PLD3: variants seen among roughly 807,000 people sequenced by gnomAD.
PLD3 encodes the protein phospholipase D family member 3, also known as 5'-3' exonuclease PLD3.
Under a neutral mutation model 58.4 loss-of-function variants are expected in PLD3, and 31 were observed. That is an observed-to-expected ratio of 0.53 (90% CI 0.40 to 0.72). PLD3 has a LOEUF of 0.72. Among genes scored for constraint, PLD3 ranks in the 30% least tolerant of loss-of-function variants. PLD3 has a pLI of 0.00. For synonymous variants in PLD3, 264 were observed against 273.4 expected, an observed-to-expected ratio of 0.97 and a Z score of 0.34; for missense variants, 595 against 659.8, an observed-to-expected ratio of 0.90 and a Z score of 1.08.
At chr19:40,354,235 G>T (rs1049256176) in intron 1 of PLD3, among the ~76,000 whole-genome samples, 1 of 151,828 alleles carries the variant, frequency 6.6e-6, no homozygotes, top group East Asian at 1.9e-4. Context: ...CACCAGGCCC[G>T]GCTAATTTTT....
intron 1 of PLD3, among the ~76,000 whole-genome samples, chr19:40,352,975 C>T (rs1187949025): frequency 6.6e-6 from 1 of 152,076 alleles, no homozygotes; most frequent in South Asian, 2.1e-4. Context: ...CAAAAAAAAT[C>T]AAAAATGAAT....
At position 40,376,373 on chromosome 19, in the gene PLD3, A is replaced by AAGAG; in HGVS notation, c.1020-236_1020-235insAGAG. The AAGAG allele has an allele frequency of 4.1e-6, 2 of 488,430 alleles. 1 individual carries two copies. The highest frequency in any genetic ancestry group is 7.0e-5 in the South Asian group (2 of 28,374). The allele number at this position is 488,430 out of a possible 1,614,324, so 30.3% of individuals were successfully genotyped here. A position where few individuals can be genotyped will look rare whatever the true frequency, so the allele number is the denominator to read the frequency against. ...TCCACCTCAAAAAAAAAAAGAAAGA[A>AAGAG]TAAAAGAGGATGACAACACTGGGTT... On this transcript the variant is annotated intron_variant, in intron 10 of 12. Coordinates refer to ENST00000409735, the MANE Select transcript of PLD3 (RefSeq NM_012268.4).
chr19:40,368,756 C>T (rs71358904), intron 6 of PLD3, among the ~76,000 whole-genome samples: 3 of 151,770 alleles, frequency 2.0e-5, no homozygotes, highest in African/African-American at 7.3e-5. Flanking sequence ...TCAACCATCT[C>T]TACTAAAAAT....
intron 5 of PLD3, chr19:40,367,167 C>G (rs2078946597): frequency 4.0e-6 from 2 of 497,592 alleles, no homozygotes; most frequent in Non-Finnish European, 7.1e-6. Flanking sequence ...CCCACACACA[C>G]ATCTCAATAC....
chr19:40,372,070 T>G (rs2079080364), intron 9 of PLD3, among the ~76,000 whole-genome samples, 197 bp downstream of exon 9: 1 of 152,192 alleles, frequency 6.6e-6, no homozygotes, highest in Non-Finnish European at 1.5e-5. Context: ...AAATGGGTAT[T>G]GTTTCCAACC....
Position 40,365,759 on chromosome 19 carries a change from C to A in PLD3, c.-237C>A, listed in dbSNP as rs2078902796. 1 of 152,684 alleles carries A rather than the reference C, an allele frequency of 6.5e-6. No individual in the cohort carries two copies. Among genetic ancestry groups the A allele is most frequent in the African/African-American group, 2.4e-5 (1 of 41,476 alleles). The allele number at this position is 152,684 out of a possible 1,614,324, so 9.5% of individuals were successfully genotyped here. A position where few individuals can be genotyped will look rare whatever the true frequency, so the allele number is the denominator to read the frequency against. The stretch of plus-strand genomic sequence containing the variant: ...CTGGGGAGCCGAGCCCCGCTTCTCG[C>A]TGCGGTGAGCCCGGACTGGGGCACG... On this transcript the variant is annotated 5_prime_UTR_variant, in exon 2 of 13. The change creates a new upstream start codon in the 5' untranslated region. Transcript: ENST00000409735.
rs994297264 is a variant in PLD3 at position 40,350,175 on chromosome 19, G to C, written c.-279+1407G>C. ...CTCGGGAGGCTGAGACAGGAGAATC[G>C]TTCGAATCTGAGAGGCGGAGGTTGC... On this transcript the variant is annotated intron_variant, in intron 1 of 12. Coordinates refer to ENST00000409735, the MANE Select transcript of PLD3 (RefSeq NM_012268.4). 4.9e-5 allele frequency among the ~76,000 whole-genome samples: 7 copies of C among 144,172 alleles called. 1 individual carries two copies. The South Asian group carries it at 1.6e-3, about 33-fold the overall frequency. 94.6% of individuals were successfully genotyped at this position (144,172 alleles called of 152,430 possible).
chr19:40,366,686 T>C lies in PLD3; in HGVS notation c.102+2T>C. The C allele has an allele frequency of 3.1e-6, 5 of 1,609,756 alleles. No individual in the cohort carries two copies. Among genetic ancestry groups the C allele is most frequent in the Non-Finnish European group, 4.2e-6 (5 of 1,177,324 alleles). On this transcript the variant is annotated splice_donor_variant, in intron 4 of 12. Transcript: ENST00000409735. LOFTEE classifies it high-confidence loss of function. ...GAGGCGTGGAAGGCTGCGGAAAAGG[T>C]AGGAGCCCTCCGCCACCCTCGCTCT...
intron 1 of PLD3, among the ~76,000 whole-genome samples, chr19:40,351,241 AAC>A (rs1491489124): frequency 6.2e-5 from 8 of 128,968 alleles, no homozygotes; most frequent in East Asian, 4.9e-4. Flanking sequence ...AAAACAAAAA[AAC>A]AAAACAAAAC....
At chr19:40,350,215 G>A (rs1023514310) in intron 1 of PLD3, among the ~76,000 whole-genome samples, 1 of 143,954 alleles carries the variant, frequency 6.9e-6, no homozygotes, top group African/African-American at 2.6e-5. Context: ...AGCCTAGATC[G>A]TGCCATTGCA....
At position 40,378,271 on chromosome 19, in the gene PLD3, C is replaced by G. The variant is rs775083306; in HGVS notation, c.*98C>G. On this transcript the variant is annotated 3_prime_UTR_variant, in exon 13 of 13. Transcript: ENST00000409735. Reference sequence around the variant, plus strand: ...TCCCCGCGCCCCCGCTTCTGTCTGCCCCATTGTGGCTCCTCAGGCTCTCTC... The same window carrying G: ...TCCCCGCGCCCCCGCTTCTGTCTGCGCCATTGTGGCTCCTCAGGCTCTCTC... 8.9e-6 allele frequency: 10 copies of G among 1,127,982 alleles called. No individual in the cohort carries two copies. The highest frequency in any genetic ancestry group is 1.3e-5 in the Non-Finnish European group (10 of 751,238). 69.9% of individuals were successfully genotyped at this position (1,127,982 alleles called of 1,614,324 possible).
intron 1 of PLD3, among the ~76,000 whole-genome samples, chr19:40,355,355 C>T (rs1195587574): frequency 1.3e-5 from 2 of 151,400 alleles, no homozygotes; most frequent in Non-Finnish European, 2.9e-5. Context: ...TCTTGTTGCC[C>T]AGGCTGAAGT....
intron 1 of PLD3, among the ~76,000 whole-genome samples, chr19:40,351,020 T>C (rs1371139369): frequency 6.6e-6 from 1 of 151,128 alleles, no homozygotes; most frequent in East Asian, 2.0e-4. Context: ...GGTGGATCGC[T>C]GGAGCTCAGG....
intron 10 of PLD3, among the ~76,000 whole-genome samples, chr19:40,376,098 G>A (rs553754974): frequency 6.5e-4 from 99 of 152,312 alleles, no homozygotes; most frequent in African/African-American, 2.3e-3. Flanking sequence ...GCTCACGCCT[G>A]TAATCCCAGC....
At chr19:40,357,283 G>A (rs991910942) in intron 1 of PLD3, 5 of 152,286 alleles carry the variant, frequency 3.3e-5, no homozygotes, top group South Asian at 4.1e-4. Context: ...AGAGACAGGG[G>A]TCTCGCTCTG....
intron 1 of PLD3, among the ~76,000 whole-genome samples, chr19:40,360,763 TC>T (rs1431984251): frequency 6.6e-6 from 1 of 152,044 alleles, no homozygotes; most frequent in Non-Finnish European, 1.5e-5. Context: ...CACCCTAATG[TC>T]AGCCTCCCTG....
intron 8 of PLD3, chr19:40,371,402 A>G (rs770252067): frequency 9.7e-6 from 4 of 412,496 alleles, no homozygotes; most frequent in South Asian, 4.1e-5. Flanking sequence ...AGGAGGCAAC[A>G]TGTCAGCCTA....
intron 6 of PLD3, among the ~76,000 whole-genome samples, chr19:40,368,830 G>T (rs2078993111): frequency 6.6e-6 from 1 of 151,946 alleles, no homozygotes; most frequent in African/African-American, 2.4e-5. Context: ...GAGATGGAAG[G>T]AGGAGGATGG....
rs374899032 is a variant in PLD3, at chr19:40,378,004, G to T, written c.1304G>T (p.Gly435Val). 1.2e-5 allele frequency: 20 copies of T among 1,613,096 alleles called. No individual in the cohort carries two copies. The highest frequency in any genetic ancestry group is 1.6e-5 in the Non-Finnish European group (19 of 1,179,486). ...TCTCTAGGAACCTCCAACTGGTCTG[G>T]CAACTACTTCACGGAGACGGCGGGC... ...ATYIGTSNWS[G>V]NYFTETAGTS... is the part of the protein sequence containing the mutation. The change falls in exon 13 of 13, where the codon GGC becomes GTC. Residue 435 changes from glycine (G) to valine (V), a missense_variant. Transcript: ENST00000409735.
Sources: gnomAD v4.1 joint callset for allele counts (sites outside exome capture counted in the v4.1 genomes callset) on GRCh38, gnomAD v4.1.1 for gene constraint, MANE v1.5 for transcripts, NCBI Gene and HGNC (gene_info 2026-07-23, HGNC 2026-07-21) for gene names.